The following LRMDA variants were observed in gnomAD, a reference collection of about 807,000 sequenced individuals.
LRMDA encodes the protein leucine-rich melanocyte differentiation-associated protein.
In LRMDA, 18 loss-of-function variants were observed where a neutral mutation model predicts 29.8. The observed-to-expected ratio is 0.60, with a 90% confidence interval of 0.42 to 0.90. The LOEUF (loss-of-function observed/expected upper bound fraction) is 0.90. LRMDA is among the 40% of genes least tolerant of loss of function. LRMDA has a pLI of 0.00. For missense variants in LRMDA, 273 were observed against 273.9 expected, an observed-to-expected ratio of 1.00 and a Z score of 0.02; for synonymous variants, 125 against 109.4, an observed-to-expected ratio of 1.14 and a Z score of -0.89.
intron 2 of LRMDA, among the ~76,000 whole-genome samples, chr10:75,518,662 T>G (rs1208977594): frequency 6.6e-6 from 1 of 152,112 alleles, no homozygotes; most frequent in Non-Finnish European, 1.5e-5. Context: ...CTCTTAGATT[T>G]ATTGATTTTT....
intron 2 of LRMDA, among the ~76,000 whole-genome samples, chr10:75,975,744 C>A (rs907567360): frequency 6.6e-6 from 1 of 152,192 alleles, no homozygotes; most frequent in Non-Finnish European, 1.5e-5. Flanking sequence ...GAAATCATGT[C>A]TGCTCAATAT....
At chr10:76,233,206 A>T (rs1341311328) in intron 5 of LRMDA, among the ~76,000 whole-genome samples, 1 of 152,250 alleles carries the variant, frequency 6.6e-6, no homozygotes, top group Non-Finnish European at 1.5e-5. Flanking sequence ...ATTGCAATAA[A>T]GCAAGTAACA....
At chr10:76,021,552 T>C (rs1030218470) in intron 2 of LRMDA, among the ~76,000 whole-genome samples, 19 of 152,158 alleles carry the variant, frequency 1.2e-4, no homozygotes, top group African/African-American at 3.9e-4. Flanking sequence ...AAGTGTGCTG[T>C]CCTCTGCAAC....
At chr10:75,852,707 T>C (rs1448012518) in intron 2 of LRMDA, among the ~76,000 whole-genome samples, 3 of 152,092 alleles carry the variant, frequency 2.0e-5, no homozygotes, top group Non-Finnish European at 2.9e-5. Flanking sequence ...TGTAGAGAGA[T>C]GGATGGGCAG....
chr10:75,886,472 G>C (rs1258829843), intron 2 of LRMDA, among the ~76,000 whole-genome samples: 1 of 152,118 alleles, frequency 6.6e-6, no homozygotes, highest in East Asian at 1.9e-4. Context: ...TAGCCTAGCA[G>C]TCATATTTTT....
chr10:76,556,914 G>C (rs1308133743), intron 6 of LRMDA, among the ~76,000 whole-genome samples: 1 of 152,156 alleles, frequency 6.6e-6, no homozygotes, highest in Non-Finnish European at 1.5e-5. Context: ...ACATTCTGGG[G>C]AGTAATTGGC....
At chr10:75,721,643 C>T (rs1021461113) in intron 2 of LRMDA, among the ~76,000 whole-genome samples, 1 of 152,098 alleles carries the variant, frequency 6.6e-6, no homozygotes, top group Non-Finnish European at 1.5e-5. Flanking sequence ...TCTCTGTGTT[C>T]CCCAGCTCCA....
intron 6 of LRMDA, among the ~76,000 whole-genome samples, chr10:76,413,798 A>G (rs913840018): frequency 1.3e-5 from 2 of 152,224 alleles, no homozygotes; most frequent in Non-Finnish European, 2.9e-5. Flanking sequence ...GGCACACAGT[A>G]TTGGCTCACC....
intron 2 of LRMDA, among the ~76,000 whole-genome samples, chr10:75,777,405 C>T (rs1843327001): frequency 6.6e-6 from 1 of 152,170 alleles, no homozygotes; most frequent in South Asian, 2.1e-4. Flanking sequence ...TTGGGGGCTG[C>T]TTCAGTCTGG....
intron 5 of LRMDA, among the ~76,000 whole-genome samples, chr10:76,142,813 G>A (rs10762697): frequency 0.53 from 80,498 of 150,866 alleles, 21,975 homozygotes; most frequent in East Asian, 0.61. Context: ...TTAGCATTAG[G>A]TATATCTCCT....
chr10:75,438,092 A>G (rs368842035), intron 1 of LRMDA, among the ~76,000 whole-genome samples: 1 of 152,176 alleles, frequency 6.6e-6, no homozygotes, highest in South Asian at 2.1e-4. Context: ...GGTTATATCA[A>G]TGTGCCCTGA....
chr10:75,995,435 G>A (rs1175108435), intron 2 of LRMDA, among the ~76,000 whole-genome samples: 3 of 152,134 alleles, frequency 2.0e-5, no homozygotes, highest in Non-Finnish European at 4.4e-5. Flanking sequence ...GTCCTAACTG[G>A]CTTGGTTGCA....
Position 76,208,229 on chromosome 10 carries a change from C to T in LRMDA, c.517-116172C>T, listed in dbSNP as rs145318030. ...AAAAATTTCATAAAGCAAATGTTAC[C>T]GAGTTTTTTTAAAAAAAGGAAGCCA... On this transcript the variant is annotated intron_variant, in intron 5 of 6. Transcript: ENST00000611255. Among the ~76,000 whole-genome samples the T allele has an allele frequency of 1.5e-4, 23 of 152,098 alleles. No homozygotes were observed. In the East Asian group the frequency reaches 2.9e-3, roughly 19 times the overall value.
intron 5 of LRMDA, among the ~76,000 whole-genome samples, chr10:76,230,933 T>G (rs1852047228): frequency 6.6e-6 from 1 of 152,234 alleles, no homozygotes. Flanking sequence ...TACAGCTTCT[T>G]TATAAAATTA....
At chr10:75,431,903 G>T in intron 1 of LRMDA, 149 bp downstream of exon 1, 1 of 789,808 alleles carries the variant, frequency 1.3e-6, no homozygotes, top group South Asian at 5.7e-5. Context: ...GCTCAGGCTC[G>T]CCCTAGTGGG....
intron 5 of LRMDA, among the ~76,000 whole-genome samples, chr10:76,310,439 G>C (rs1308181177): frequency 6.8e-6 from 1 of 146,920 alleles, no homozygotes; most frequent in Non-Finnish European, 1.5e-5. Flanking sequence ...GAATTTCAGG[G>C]CCTTTACATG....
At chr10:76,379,791 G>T (rs1013493969) in intron 6 of LRMDA, among the ~76,000 whole-genome samples, 2 of 151,998 alleles carry the variant, frequency 1.3e-5, no homozygotes, top group African/African-American at 4.8e-5. Flanking sequence ...GTAGTTTCTT[G>T]ATGCGTGACC....
In LRMDA at chr10:75,493,348, GGTGTGTGTGTGTGTGTGT is replaced by G. The variant is rs3220724; in HGVS notation, c.131+54878_131+54895del. 3.1e-3 allele frequency among the ~76,000 whole-genome samples: 420 copies of G among 133,348 alleles called. 3 individuals carry two copies. The highest frequency in any genetic ancestry group is 0.012 in the African/African-American group (405 of 34,676). The allele number at this position is 133,348 out of a possible 152,430, so 87.5% of individuals were successfully genotyped here. ...AGAGAGCCATAGAGGGTTGAGATTG[GGTGTGTGTGTGTGTGTGT>G]GTGTGTGTGTGTGTGTGTGTGTGAA... On this transcript the variant is annotated intron_variant, in intron 2 of 6. Coordinates refer to ENST00000611255, the MANE Select transcript of LRMDA (RefSeq NM_001305581.2).
chr10:76,035,096 G>GT (rs397847311), intron 2 of LRMDA, among the ~76,000 whole-genome samples: 6,128 of 137,908 alleles, frequency 0.044, 134 homozygotes, highest in Middle Eastern at 0.069. Context: ...CCTTTCTGCT[G>GT]TTTTTTTTTT....
Sources: gnomAD v4.1 joint callset for allele counts (sites outside exome capture counted in the v4.1 genomes callset) on GRCh38, gnomAD v4.1.1 for gene constraint, MANE v1.5 for transcripts, NCBI Gene and HGNC (gene_info 2026-07-23, HGNC 2026-07-21) for gene names.